DPY19L2: variants seen among roughly 807,000 people sequenced by gnomAD.
DPY19L2 encodes the protein dpy-19 like 2.
A neutral mutation model predicts 97.9 loss-of-function variants in DPY19L2; 34 were observed. That is an observed-to-expected ratio of 0.35 (90% CI 0.26 to 0.46). The LOEUF (loss-of-function observed/expected upper bound fraction) is 0.46, where lower values mean the gene tolerates loss of function less well. Ranked by LOEUF, DPY19L2 falls within the 20% of genes least tolerant of loss-of-function variation. DPY19L2 has a pLI of 1.00. For missense variants in DPY19L2, 623 were observed against 911.4 expected (o/e 0.68, Z 4.07); for synonymous variants, 230 against 307.9 (o/e 0.75, Z 2.65).
chr12:63,588,150 T>C (rs1008712960), intron 16 of DPY19L2, among the ~76,000 whole-genome samples: 2 of 152,080 alleles, frequency 1.3e-5, no homozygotes, highest in Admixed American at 1.3e-4. Context: ...CAGAGATTAA[T>C]AAAATGGAGA....
In DPY19L2 at chr12:63,624,072, T is replaced by C. The variant is rs769715208; in HGVS notation, c.921A>G (p.Val307=). The C allele has an allele frequency of 6.2e-7, 1 of 1,611,452 alleles. No individual in the cohort carries two copies. The highest frequency in any genetic ancestry group is 2.2e-5 in the East Asian group (1 of 44,872). ...TCAAAGTTAAAATACACATCTGAAG[T>C]ACAAGGAAAGGATAGGAAAAACTTT... The part of the protein sequence containing the change: ...LRESFSYPFL[V]LQMCILTLIL... The change falls in exon 8 of 22, where the codon GTA becomes GTG. Residue 307 remains valine, a synonymous_variant. Coordinates refer to ENST00000324472, the MANE Select transcript of DPY19L2 (RefSeq NM_173812.5).
chr12:63,661,394 C>A lies in DPY19L2; in HGVS notation c.538G>T (p.Glu180Ter), dbSNP rs773774755. ...LWMIMNDRLT[E>*]YPLIINAIKR... is the part of the protein sequence containing the mutation. Reference sequence around the variant, plus strand: ...ATTGCATTAATTATAAGAGGATATTCAGTAAGCCTGTCATTCATAATCATC... The same window carrying A: ...ATTGCATTAATTATAAGAGGATATTAAGTAAGCCTGTCATTCATAATCATC... Residue 180 changes from glutamate (E) to a stop codon, truncating the protein, a stop_gained, in exon 4 of 22, where the codon GAA (glutamate) becomes TAA (stop). Coordinates refer to ENST00000324472, the MANE Select transcript of DPY19L2 (RefSeq NM_173812.5). LOFTEE classifies it high-confidence loss of function. 6.2e-7 allele frequency: 1 copy of A among 1,602,620 alleles called. No homozygotes were observed. Among genetic ancestry groups the A allele is most frequent in the Non-Finnish European group, 8.5e-7 (1 of 1,176,736 alleles).
chr12:63,643,111 C>G lies in DPY19L2; in HGVS notation c.803+1292G>C, dbSNP rs1318354283. ...TGAGTTTAAATATTAATGCTTACATCTAGTAACATTGTAAATTTTCTTATT... is the reference window on the plus strand; with the variant it reads ...TGAGTTTAAATATTAATGCTTACATGTAGTAACATTGTAAATTTTCTTATT... On this transcript the variant is annotated intron_variant, in intron 6 of 21. Transcript: ENST00000324472. Among the ~76,000 whole-genome samples the G allele has an allele frequency of 3.3e-5, 5 of 152,020 alleles. No homozygotes were observed. In the South Asian group the frequency reaches 8.3e-4, roughly 25 times the overall value.
chr12:63,630,728 C>A (rs1444994034), intron 6 of DPY19L2, among the ~76,000 whole-genome samples: 1 of 152,114 alleles, frequency 6.6e-6, no homozygotes, highest in Non-Finnish European at 1.5e-5. Context: ...TAATAGACAT[C>A]TACAGAACTC....
In DPY19L2 at chr12:63,654,528, TAAG is replaced by T. The variant is rs201016596; in HGVS notation, c.588+6813_588+6815del. 4.2e-3 allele frequency among the ~76,000 whole-genome samples: 639 copies of T among 152,186 alleles called. 5 individuals carry two copies. The highest frequency in any genetic ancestry group is 0.014 in the African/African-American group (583 of 41,538). ...GTGGCCAATTGGTAAACATAACAAT[TAAG>T]AGATATATTGACAAATGGGATTTAA... On this transcript the variant is annotated intron_variant, in intron 4 of 21. Transcript: ENST00000324472.
chr12:63,623,861 T>C lies in DPY19L2; in HGVS notation c.953+179A>G, dbSNP rs145369801. 2.7e-3 allele frequency: 1,230 copies of C among 456,876 alleles called. 12 individuals carry two copies. The highest frequency in any genetic ancestry group is 0.023 in the African/African-American group (1,134 of 49,908). 28.3% of individuals were successfully genotyped at this position (456,876 alleles called of 1,614,324 possible). On this transcript the variant is annotated intron_variant, in intron 8 of 21. Transcript: ENST00000324472. ...CTGGGATGACAGATGCACACCACCA[T>C]GCCCGGCTAATTTTTGTATTTTAGT...
At chr12:63,624,193 A>G in intron 7 of DPY19L2, 62 bp from the exon 8 acceptor site, 1 of 1,273,438 alleles carries the variant, frequency 7.9e-7, no homozygotes, top group South Asian at 1.2e-5. Flanking sequence ...TTAAAAAACC[A>G]GGGGTGAGTT....
At chr12:63,634,979 C>A (rs1262447487) in intron 6 of DPY19L2, among the ~76,000 whole-genome samples, 5 of 152,204 alleles carry the variant, frequency 3.3e-5, no homozygotes, top group African/African-American at 1.2e-4. Context: ...AGACAGACTG[C>A]CTGCTCAAGT....
intron 14 of DPY19L2, among the ~76,000 whole-genome samples, chr12:63,596,757 G>A (rs1418155668): frequency 2.0e-5 from 3 of 152,240 alleles, no homozygotes; most frequent in East Asian, 1.9e-4. Context: ...TAGCAACTTT[G>A]TTATGTCCTA....
Position 63,567,731 on chromosome 12 carries a change from G to T in DPY19L2, c.2126+1493C>A, listed in dbSNP as rs563209987. On this transcript the variant is annotated intron_variant, in intron 21 of 21. Transcript: ENST00000324472. ...CCAACAAATTATCTTAGATTTTGTT[G>T]ATCTGGAAAATGTATTTTTGGCCTC... is the stretch of plus-strand genomic sequence containing the variant. Among the ~76,000 whole-genome samples, 7 of 152,088 alleles carry T rather than the reference G, an allele frequency of 4.6e-5. No individual in the cohort carries two copies. In the East Asian group the frequency reaches 1.4e-3, roughly 29 times the overall value.
intron 12 of DPY19L2, among the ~76,000 whole-genome samples, chr12:63,602,558 G>C (rs1885359486): frequency 6.6e-6 from 1 of 152,040 alleles, no homozygotes; most frequent in Admixed American, 6.6e-5. Context: ...GATCCAGGGG[G>C]TACTGGAAAA....
intron 16 of DPY19L2, among the ~76,000 whole-genome samples, chr12:63,591,761 G>C (rs1324097350): frequency 6.6e-6 from 1 of 151,070 alleles, no homozygotes; most frequent in Non-Finnish European, 1.5e-5. Context: ...GACCAACACG[G>C]TGAAACCCCC....
At chr12:63,649,503 T>C (rs1893888578) in intron 4 of DPY19L2, among the ~76,000 whole-genome samples, 1 of 152,064 alleles carries the variant, frequency 6.6e-6, no homozygotes, top group South Asian at 2.1e-4. Context: ...TATATTACCA[T>C]TGACCCTGTA....
At chr12:63,627,628 G>A (rs1278443071) in intron 6 of DPY19L2, among the ~76,000 whole-genome samples, 3 of 152,158 alleles carry the variant, frequency 2.0e-5, no homozygotes, top group Non-Finnish European at 4.4e-5. Context: ...GGGATTACAG[G>A]CGTGAGCCAC....
chr12:63,664,339 A>G (rs531303592), intron 2 of DPY19L2, among the ~76,000 whole-genome samples: 14 of 146,958 alleles, frequency 9.5e-5, no homozygotes, highest in African/African-American at 3.2e-4. Flanking sequence ...TCTGTCTTAA[A>G]AAAAACAAAC....
intron 13 of DPY19L2, 109 bp from the exon 14 acceptor site, chr12:63,598,019 C>G (rs1403800642): frequency 1.2e-6 from 1 of 825,124 alleles, no homozygotes; most frequent in Non-Finnish European, 1.7e-6. Context: ...GCAGATAAAT[C>G]CAATATATTT....
chr12:63,603,451 G>C (rs1049043483), intron 12 of DPY19L2, among the ~76,000 whole-genome samples: 8 of 152,052 alleles, frequency 5.3e-5, no homozygotes, highest in African/African-American at 1.9e-4. Context: ...GTGGTTTCCT[G>C]CACCTATCAA....
At chr12:63,600,161 A>G (rs2942624) in intron 13 of DPY19L2, 145 bp downstream of exon 13, 6 of 571,468 alleles carry the variant, frequency 1.0e-5, no homozygotes, top group Non-Finnish European at 3.1e-6. Flanking sequence ...AGACTTTATT[A>G]TTGACTCTGC....
rs572721711 is a variant in DPY19L2, at chr12:63,569,605, G to C, written c.2001-256C>G. On this transcript the variant is annotated intron_variant, in intron 20 of 21. Transcript: ENST00000324472. ...TATAAGATAGTCTAAAGTTGTACTG[G>C]GTAGCAGAGAGCAGCTTAGGATATA... 8 of 213,904 alleles carry C rather than the reference G, an allele frequency of 3.7e-5. No individual in the cohort carries two copies. The South Asian group carries it at 8.0e-4, about 22-fold the overall frequency. 13.3% of individuals were successfully genotyped at this position (213,904 alleles called of 1,614,324 possible).
Sources: allele counts gnomAD v4.1 joint callset (sites outside exome capture counted in the v4.1 genomes callset), GRCh38; gene constraint gnomAD v4.1.1; transcripts MANE v1.5; gene names NCBI Gene and HGNC (gene_info 2026-07-23, HGNC 2026-07-21).